The following RTTN variants were observed in gnomAD, a reference collection of about 807,000 sequenced individuals.
RTTN encodes the protein rotatin.
RTTN carries 182 observed loss-of-function variants against 269.2 expected under a neutral mutation model. The ratio of observed to expected loss-of-function variants is 0.68; its 90% CI spans 0.60 to 0.76. The LOEUF is 0.76. Ranked by LOEUF, RTTN falls within the 30% of genes least tolerant of loss-of-function variation. The probability of loss-of-function intolerance (pLI) is 0.00; values close to 1 mark genes in which losing one functional copy is unlikely to be tolerated. For synonymous variants in RTTN, 1,006 were observed against 963.5 expected (o/e 1.04, Z -0.82); for missense variants, 2,545 against 2,608.6 (o/e 0.98, Z 0.53).
At chr18:70,172,423 CAG>C (rs1452410527) in intron 11 of RTTN, among the ~76,000 whole-genome samples, 1 of 152,120 alleles carries the variant, frequency 6.6e-6, no homozygotes, top group Non-Finnish European at 1.5e-5. Context: ...TAGCAACAGA[CAG>C]AGGGCAGCAT....
chr18:70,204,343 T>C, intron 2 of RTTN, 80 bp from the exon 3 acceptor site: 1 of 1,356,818 alleles, frequency 7.4e-7, no homozygotes, highest in Non-Finnish European at 1.0e-6. Flanking sequence ...ATAAAATTAT[T>C]TTTGGTATAT....
At position 70,169,588 on chromosome 18, in the gene RTTN, G is replaced by A. The variant is rs549784955; in HGVS notation, c.1477-521C>T. 8.5e-5 allele frequency among the ~76,000 whole-genome samples: 13 copies of A among 152,162 alleles called. No homozygotes were observed. The East Asian group carries it at 2.1e-3, about 25-fold the overall frequency. ...GAAACGAATTTTTTTCTTTGGTTTT[G>A]TCTTTTAGAGGGGATAGTGGAAATC... On this transcript the variant is annotated intron_variant, in intron 11 of 48. Transcript: ENST00000640769.
intron 8 of RTTN, among the ~76,000 whole-genome samples, chr18:70,190,994 C>T (rs2061657399): frequency 6.6e-6 from 1 of 152,082 alleles, no homozygotes; most frequent in African/African-American, 2.4e-5. Flanking sequence ...TCAAGACCAG[C>T]CTGGCCAACA....
At chr18:70,055,785 T>G (rs1032669656) in intron 37 of RTTN, among the ~76,000 whole-genome samples, 2 of 152,224 alleles carry the variant, frequency 1.3e-5, no homozygotes, top group Non-Finnish European at 2.9e-5. Flanking sequence ...AATATTCATA[T>G]CTTAAGAGTA....
intron 28 of RTTN, among the ~76,000 whole-genome samples, chr18:70,097,393 T>C (rs556900525): frequency 6.6e-6 from 1 of 152,354 alleles, no homozygotes; most frequent in Non-Finnish European, 1.5e-5. Flanking sequence ...TACTTTATTC[T>C]TTAAAAGATG....
intron 39 of RTTN, among the ~76,000 whole-genome samples, chr18:70,050,036 A>T (rs141718175): frequency 6.6e-6 from 1 of 152,198 alleles, no homozygotes; most frequent in South Asian, 2.1e-4. Flanking sequence ...TAATCATATC[A>T]TATGTACCTT....
chr18:70,185,340 G>C (rs1487286823), intron 10 of RTTN, among the ~76,000 whole-genome samples: 1 of 152,020 alleles, frequency 6.6e-6, no homozygotes, highest in Non-Finnish European at 1.5e-5. Context: ...GAAAAACTAA[G>C]AAACTGAACC....
At chr18:70,171,632 C>G (rs1234001769) in intron 11 of RTTN, among the ~76,000 whole-genome samples, 1 of 152,182 alleles carries the variant, frequency 6.6e-6, no homozygotes, top group Admixed American at 6.5e-5. Context: ...GCATTAGTCA[C>G]ATGCCATCAG....
At chr18:70,149,910 T>G in intron 16 of RTTN, 61 bp downstream of exon 16, 1 of 1,178,884 alleles carries the variant, frequency 8.5e-7, no homozygotes, top group Non-Finnish European at 1.3e-6. Context: ...TGCATGCATT[T>G]AAATCAATCA....
At chr18:70,063,508 A>G (rs1208883504) in intron 35 of RTTN, among the ~76,000 whole-genome samples, 1 of 152,088 alleles carries the variant, frequency 6.6e-6, no homozygotes, top group Non-Finnish European at 1.5e-5. Flanking sequence ...CGAGACTACA[A>G]TGAGCTATGA....
Position 70,005,190 on chromosome 18 carries a change from C to A in RTTN, c.6595+8G>T. On this transcript the variant is annotated splice_region_variant and intron_variant, in intron 48 of 48. Transcript: ENST00000640769. Reference sequence around the variant, plus strand: ...TTTAACTATAATCTCTTTCTTATTGCAACTTACTTTTCTTTGCTAAGGAGT... The same window carrying A: ...TTTAACTATAATCTCTTTCTTATTGAAACTTACTTTTCTTTGCTAAGGAGT... The A allele has an allele frequency of 6.3e-7, 1 of 1,595,762 alleles. No homozygotes were observed. Among genetic ancestry groups the A allele is most frequent in the Non-Finnish European group, 8.6e-7 (1 of 1,168,298 alleles).
intron 2 of RTTN, among the ~76,000 whole-genome samples, 162 bp downstream of exon 2, chr18:70,204,962 CAAAT>C (rs1172260574): frequency 6.6e-6 from 1 of 152,094 alleles, no homozygotes; most frequent in Non-Finnish European, 1.5e-5. Context: ...TTCAGTATCA[CAAAT>C]AAAAGATGAA....
intron 45 of RTTN, among the ~76,000 whole-genome samples, chr18:70,020,170 G>C (rs1224319959): frequency 6.6e-6 from 1 of 152,144 alleles, no homozygotes; most frequent in Non-Finnish European, 1.5e-5. Context: ...TCATAAAATT[G>C]CTTAACATGC....
chr18:70,189,954 G>A (rs2061632660), intron 9 of RTTN, among the ~76,000 whole-genome samples: 1 of 152,132 alleles, frequency 6.6e-6, no homozygotes, highest in East Asian at 1.9e-4. Context: ...ACAAAAATGG[G>A]ATCTCAAAAT....
chr18:70,204,353 T>C (rs2062025896), intron 2 of RTTN, 90 bp from the exon 3 acceptor site: 3 of 1,282,816 alleles, frequency 2.3e-6, no homozygotes, highest in Non-Finnish European at 3.2e-6. Flanking sequence ...TTTTGGTATA[T>C]CAGATGTTCC....
chr18:70,021,317 CA>C (rs2056698323), intron 44 of RTTN, among the ~76,000 whole-genome samples: 1 of 151,880 alleles, frequency 6.6e-6, no homozygotes, highest in Non-Finnish European at 1.5e-5. Flanking sequence ...TAGCAGGAGC[CA>C]AAAGTGGCAT....
At chr18:70,117,960 A>C (rs185885207) in intron 26 of RTTN, among the ~76,000 whole-genome samples, 157 of 152,156 alleles carry the variant, frequency 1.0e-3, no homozygotes, top group Middle Eastern at 6.8e-3. Flanking sequence ...CAAACCAACC[A>C]AAACTTATGG....
chr18:70,114,364 G>A (rs1443229927), intron 27 of RTTN, 81 bp downstream of exon 27: 2 of 1,242,752 alleles, frequency 1.6e-6, no homozygotes, highest in Non-Finnish European at 2.3e-6. Context: ...TTTGAAAGAA[G>A]TACAAAGTAA....
intron 8 of RTTN, among the ~76,000 whole-genome samples, chr18:70,191,889 C>G (rs974026077): frequency 3.3e-5 from 5 of 152,128 alleles, no homozygotes; most frequent in African/African-American, 1.2e-4. Context: ...GGAGTGAAAA[C>G]TTAGAAGCAT....
Sources: allele counts gnomAD v4.1 joint callset (sites outside exome capture counted in the v4.1 genomes callset), GRCh38; gene constraint gnomAD v4.1.1; transcripts MANE v1.5; gene names NCBI Gene and HGNC (gene_info 2026-07-23, HGNC 2026-07-21).